Variants in CACHD1 observed in about 807,000 individuals in gnomAD.
CACHD1 encodes the protein VWFA and cache domain-containing protein 1.
In CACHD1, 71 loss-of-function variants were observed where a neutral mutation model predicts 138.7. That is an observed-to-expected ratio of 0.51 (90% CI 0.42 to 0.62). The LOEUF is 0.62. CACHD1 is among the 20% of genes least tolerant of loss of function. The probability of loss-of-function intolerance (pLI) is 0.00; values close to 1 mark genes in which losing one functional copy is unlikely to be tolerated. For synonymous variants in CACHD1, 578 were observed against 591.5 expected (o/e 0.98, Z 0.33); for missense variants, 1,389 against 1,625.3 (o/e 0.85, Z 2.50).
At chr1:64,630,345 C>T (rs1488248868) in intron 5 of CACHD1, among the ~76,000 whole-genome samples, 1 of 151,218 alleles carries the variant, frequency 6.6e-6, no homozygotes, top group Non-Finnish European at 1.5e-5. Flanking sequence ...TCTTGTTGCC[C>T]AGGCTGGAGT....
chr1:64,491,245 CCTCT>C (rs534816959), intron 1 of CACHD1, among the ~76,000 whole-genome samples: 201 of 149,754 alleles, frequency 1.3e-3, no homozygotes, highest in Admixed American at 2.6e-3. Flanking sequence ...AGGACTGCTT[CCTCT>C]CTCTCTCTCT....
At chr1:64,686,864 G>A (rs1650387394) in intron 26 of CACHD1, among the ~76,000 whole-genome samples, 1 of 152,124 alleles carries the variant, frequency 6.6e-6, no homozygotes, top group African/African-American at 2.4e-5. Context: ...CTTTGTAGAT[G>A]AACGTAAGAC....
intron 2 of CACHD1, among the ~76,000 whole-genome samples, chr1:64,564,000 T>C (rs1646862015): frequency 6.6e-6 from 1 of 152,300 alleles, no homozygotes; most frequent in South Asian, 2.1e-4. Flanking sequence ...AATATAAGGA[T>C]ACCAAAAGAA....
chr1:64,532,301 C>T (rs1182296048), intron 1 of CACHD1, among the ~76,000 whole-genome samples: 1 of 152,168 alleles, frequency 6.6e-6, no homozygotes, highest in Non-Finnish European at 1.5e-5. Flanking sequence ...CTACTATAGG[C>T]TGGTTCTAGG....
chr1:64,678,508 G>C (rs2478156), intron 23 of CACHD1, among the ~76,000 whole-genome samples, 198 bp downstream of exon 23: 67,190 of 151,978 alleles, frequency 0.44, 20,625 homozygotes, highest in African/African-American at 0.83. Context: ...GGCCATCTGT[G>C]CTGCCAAATT....
At chr1:64,533,217 G>T (rs911628515) in intron 1 of CACHD1, among the ~76,000 whole-genome samples, 1 of 152,186 alleles carries the variant, frequency 6.6e-6, no homozygotes, top group East Asian at 1.9e-4. Flanking sequence ...TTAGCCGGGC[G>T]TGGTGGTGCA....
intron 2 of CACHD1, 30 bp from the exon 3 acceptor site, chr1:64,582,126 C>T (rs202127533): frequency 1.3e-5 from 21 of 1,609,298 alleles, no homozygotes; most frequent in East Asian, 6.7e-5. Flanking sequence ...CTTGGACTTT[C>T]GATTTATTTT....
At chr1:64,561,223 A>C (rs1039232372) in intron 2 of CACHD1, among the ~76,000 whole-genome samples, 13 of 150,726 alleles carry the variant, frequency 8.6e-5, no homozygotes, top group Non-Finnish European at 1.5e-4. Flanking sequence ...TTTATCTGTT[A>C]ATATTCTATC....
At chr1:64,629,300 G>A (rs1648218919) in intron 4 of CACHD1, 55 bp from the exon 5 acceptor site, 2 of 1,588,486 alleles carry the variant, frequency 1.3e-6, no homozygotes, top group Non-Finnish European at 1.7e-6. Context: ...GAGGAGCAGT[G>A]CCTGCATGCA....
At chr1:64,544,461 G>A (rs1646702612) in intron 1 of CACHD1, among the ~76,000 whole-genome samples, 1 of 152,080 alleles carries the variant, frequency 6.6e-6, no homozygotes, top group Non-Finnish European at 1.5e-5. Flanking sequence ...TATCTGTCAA[G>A]CAGGCTCAAT....
Position 64,672,755 on chromosome 1 carries a change from A to G in CACHD1, c.2511-403A>G, listed in dbSNP as rs988501587. Reference sequence around the variant, plus strand: ...ATTTATCATTGAAAGAAGAAATTATATGCTTTACTTCAAATCTGTCAGTAG... The same window carrying G: ...ATTTATCATTGAAAGAAGAAATTATGTGCTTTACTTCAAATCTGTCAGTAG... On this transcript the variant is annotated intron_variant, in intron 17 of 26. Coordinates refer to ENST00000651257, the MANE Select transcript of CACHD1 (RefSeq NM_020925.4). Among the ~76,000 whole-genome samples the G allele has an allele frequency of 2.6e-5, 4 of 152,164 alleles. No homozygotes were observed. The South Asian group carries it at 8.3e-4, about 32-fold the overall frequency.
chr1:64,609,335 C>T (rs186641317), intron 4 of CACHD1, among the ~76,000 whole-genome samples: 15 of 152,308 alleles, frequency 9.8e-5, no homozygotes, highest in African/African-American at 3.4e-4. Flanking sequence ...CCAATTGCTT[C>T]AGCTTCATGA....
chr1:64,620,363 C>T (rs1647866118), intron 4 of CACHD1, among the ~76,000 whole-genome samples: 1 of 151,996 alleles, frequency 6.6e-6, no homozygotes, highest in Non-Finnish European at 1.5e-5. Context: ...CCTTTGTAAG[C>T]AGATTTCTAA....
Position 64,691,700 on chromosome 1 carries a change from G to A in CACHD1, c.*139G>A, listed in dbSNP as rs1650564934. ...TGCAGAGTTGTTTGAGTCATTTCCT[G>A]CCTGTCGACATGGTTAAAAACGAGA... is the stretch of plus-strand genomic sequence containing the variant. On this transcript the variant is annotated 3_prime_UTR_variant, in exon 27 of 27. Coordinates refer to ENST00000651257, the MANE Select transcript of CACHD1 (RefSeq NM_020925.4). 1.5e-6 allele frequency: 1 copy of A among 688,968 alleles called. No individual in the cohort carries two copies. The highest frequency in any genetic ancestry group is 2.4e-6 in the Non-Finnish European group (1 of 409,694). 42.7% of individuals were successfully genotyped at this position (688,968 alleles called of 1,614,324 possible).
At chr1:64,595,639 A>G (rs1475530689) in intron 3 of CACHD1, among the ~76,000 whole-genome samples, 1 of 152,126 alleles carries the variant, frequency 6.6e-6, no homozygotes, top group African/African-American at 2.4e-5. Flanking sequence ...TAAATATTTA[A>G]TGTGGTTGTG....
At chr1:64,575,325 C>T (rs902186767) in intron 2 of CACHD1, among the ~76,000 whole-genome samples, 12 of 152,150 alleles carry the variant, frequency 7.9e-5, no homozygotes, top group Admixed American at 2.0e-4. Flanking sequence ...GAAAGAATAG[C>T]AGAGAGTGAG....
At chr1:64,673,513 G>C in intron 19 of CACHD1, 49 bp downstream of exon 19, 2 of 1,398,738 alleles carry the variant, frequency 1.4e-6, no homozygotes, top group Non-Finnish European at 2.0e-6. Flanking sequence ...TCCCATTATG[G>C]AACATGAATT....
intron 1 of CACHD1, among the ~76,000 whole-genome samples, chr1:64,541,824 CAA>C (rs1436899254): frequency 6.6e-6 from 1 of 152,066 alleles, no homozygotes; most frequent in African/African-American, 2.4e-5. Flanking sequence ...GATAAGAAAA[CAA>C]AAACAGAATG....
intron 1 of CACHD1, among the ~76,000 whole-genome samples, chr1:64,531,526 TG>T (rs1175665075): frequency 0.012 from 1,807 of 151,878 alleles, 41 homozygotes; most frequent in African/African-American, 0.038. Flanking sequence ...TGTGTGTGTG[TG>T]TGTCTGTGTA....
Sources: allele counts gnomAD v4.1 joint callset (sites outside exome capture counted in the v4.1 genomes callset), GRCh38; gene constraint gnomAD v4.1.1; transcripts MANE v1.5; gene names NCBI Gene and HGNC (gene_info 2026-07-23, HGNC 2026-07-21).